The following ATP5F1A variants were observed in gnomAD, a reference collection of about 807,000 sequenced individuals.
ATP5F1A encodes the protein ATP synthase F1 subunit alpha.
ATP5F1A carries 24 observed loss-of-function variants against 57.4 expected under a neutral mutation model. The observed-to-expected ratio is 0.42, with a 90% CI of 0.30 to 0.59. ATP5F1A has a LOEUF of 0.59. Ranked by LOEUF, ATP5F1A falls within the 20% of genes least tolerant of loss-of-function variation. The pLI, the probability that ATP5F1A is intolerant of heterozygous loss-of-function variation, is 0.19. For missense variants in ATP5F1A, 494 were observed against 707.9 expected, an observed-to-expected ratio of 0.70 and a Z score of 3.43; for synonymous variants, 251 against 255.5, an observed-to-expected ratio of 0.98 and a Z score of 0.17.
In ATP5F1A at chr18:46,080,740, A is replaced by C. The variant is rs1909693039; in HGVS notation, c.*3542T>G. 1 of 152,106 alleles carries C rather than the reference A, an allele frequency of 6.6e-6. No homozygotes were observed. Among genetic ancestry groups the C allele is most frequent in the Non-Finnish European group, 1.5e-5 (1 of 68,030 alleles). 9.4% of individuals were successfully genotyped at this position (152,106 alleles called of 1,614,324 possible). On this transcript the variant is annotated 3_prime_UTR_variant, in exon 12 of 12. Transcript: ENST00000398752. ...GTGATCGTCCCAAAGTGCTGAGATTACAGGCGTAAGCCACTGCGCCTGGGC... is the reference window on the plus strand; with the variant it reads ...GTGATCGTCCCAAAGTGCTGAGATTCCAGGCGTAAGCCACTGCGCCTGGGC...
At chr18:46,102,937 C>A (rs1202341431), upstream of ATP5F1A, among the ~76,000 whole-genome samples, 1 of 152,094 alleles carries the variant, frequency 6.6e-6, no homozygotes, top group African/African-American at 2.4e-5. Flanking sequence ...AAGAGCAAGA[C>A]CCTGTCTCTA....
At position 46,080,365 on chromosome 18, in the gene ATP5F1A, GAC is replaced by G. The variant is rs987444751; in HGVS notation, c.*3915_*3916del. 1 of 152,172 alleles carries G rather than the reference GAC, an allele frequency of 6.6e-6. No individual in the cohort carries two copies. Among genetic ancestry groups the G allele is most frequent in the African/African-American group, 2.4e-5 (1 of 41,436 alleles). The allele number at this position is 152,172 out of a possible 1,614,324, so 9.4% of individuals were successfully genotyped here. A position where few individuals can be genotyped will look rare whatever the true frequency, so the allele number is the denominator to read the frequency against. ...CCCAGTGATAAGATAAATGCACACA[GAC>G]ACAATTTTATGACAGCCATTTTGTT... is the stretch of plus-strand genomic sequence containing the variant. On this transcript the variant is annotated 3_prime_UTR_variant, in exon 12 of 12. Coordinates refer to ENST00000398752, the MANE Select transcript of ATP5F1A (RefSeq NM_004046.6).
Position 46,093,567 on chromosome 18 carries a change from A to G in ATP5F1A, c.139+1486T>C, listed in dbSNP as rs575717388. 1.4e-4 allele frequency among the ~76,000 whole-genome samples: 22 copies of G among 151,984 alleles called. No individual in the cohort carries two copies. The South Asian group carries it at 2.3e-3, about 16-fold the overall frequency. ...AAACAAAACAAAACAAAATAAAAAA[A>G]CATCCCAGCACTTTGGGAGGCCAAG... On this transcript the variant is annotated intron_variant, in intron 2 of 11. Transcript: ENST00000398752.
rs555213015 is a variant in ATP5F1A, at chr18:46,098,190, A to C, written c.42T>G (p.Leu14=). The C allele has an allele frequency of 1.9e-6, 3 of 1,605,992 alleles. No homozygotes were observed. In the East Asian group the frequency reaches 6.7e-5, roughly 36 times the overall value. Residue 14 remains leucine (L), a synonymous_variant, in exon 1 of 12, where the codon CTT becomes CTG. Coordinates refer to ENST00000398752, the MANE Select transcript of ATP5F1A (RefSeq NM_004046.6). ...VRVAAAVVRA[L]PRRAGLVSRN... ...TGCTCACCAGTCCGGCCCGCCGAGG[A>C]AGGGCGCGGACCACGGCCGCAGCAA...
chr18:46,083,404 T>G lies in ATP5F1A; in HGVS notation c.*878A>C, dbSNP rs898261139. 6.6e-6 allele frequency: 1 copy of G among 152,240 alleles called. No homozygotes were observed. The highest frequency in any genetic ancestry group is 2.4e-5 in the African/African-American group (1 of 41,448). The allele number at this position is 152,240 out of a possible 1,614,324, so 9.4% of individuals were successfully genotyped here. On this transcript the variant is annotated 3_prime_UTR_variant, in exon 12 of 12. Coordinates refer to ENST00000398752, the MANE Select transcript of ATP5F1A (RefSeq NM_004046.6). Reference sequence around the variant, plus strand: ...GCAGTGAGCTGAGATCACACCACTGTACTCCAGCCTGGGTGAGAGAGATGG... The same window carrying G: ...GCAGTGAGCTGAGATCACACCACTGGACTCCAGCCTGGGTGAGAGAGATGG...
rs1338202948 is a variant in ATP5F1A at position 46,087,198 on chromosome 18, C to T, written c.986G>A (p.Arg329His). The change falls in exon 8 of 12, where the codon CGC (arginine) becomes CAC (histidine). Residue 329 changes from arginine (R) to histidine (H), a missense_variant. Physicochemically the swap from Arg to His is conservative, Grantham distance 29. Coordinates refer to ENST00000398752, the MANE Select transcript of ATP5F1A (RefSeq NM_004046.6). ...ATAGGCCTCACGACCAGGGGGTCGG[C>T]GGAGCAACAGAGACATCTGACGGTA... is the stretch of plus-strand genomic sequence containing the variant. ...VAYRQMSLLL[R>H]RPPGREAYPG... 3.1e-6 allele frequency: 5 copies of T among 1,614,110 alleles called. No homozygotes were observed. Among genetic ancestry groups the T allele is most frequent in the Admixed American group, 1.7e-5 (1 of 60,016 alleles).
upstream of ATP5F1A, among the ~76,000 whole-genome samples, chr18:46,099,137 G>A (rs933162060): frequency 1.6e-4 from 24 of 152,174 alleles, no homozygotes; most frequent in African/African-American, 5.8e-4. Context: ...AGGCCTAGAA[G>A]AGTCATTGCC....
chr18:46,096,975 A>AGT (rs1172153337), intron 1 of ATP5F1A, among the ~76,000 whole-genome samples: 3 of 118,908 alleles, frequency 2.5e-5, no homozygotes, highest in African/African-American at 9.8e-5. Context: ...TGAGCGAGAC[A>AGT]CCATCTCAAA....
chr18:46,100,043 G>C (rs1568257893), upstream of ATP5F1A, among the ~76,000 whole-genome samples: 1 of 151,962 alleles, frequency 6.6e-6, no homozygotes, highest in Non-Finnish European at 1.5e-5. Context: ...CTGAGGTCAG[G>C]AGTTCGAGAC....
intron 3 of ATP5F1A, among the ~76,000 whole-genome samples, chr18:46,090,777 C>T (rs928609422): frequency 2.6e-5 from 4 of 152,198 alleles, no homozygotes; most frequent in Non-Finnish European, 5.9e-5. Context: ...TCCTGTCACA[C>T]TAGCCACATT....
chr18:46,081,964 G>A lies in ATP5F1A; in HGVS notation c.*2318C>T, dbSNP rs1909777722. The stretch of plus-strand genomic sequence containing the variant: ...GAGAGATGGATAAGAATGAAGTTTC[G>A]GTACAGCAAATCCCCATCAACAAAA... On this transcript the variant is annotated 3_prime_UTR_variant, in exon 12 of 12. Coordinates refer to ENST00000398752, the MANE Select transcript of ATP5F1A (RefSeq NM_004046.6). 1 of 151,232 alleles carries A rather than the reference G, an allele frequency of 6.6e-6. No individual in the cohort carries two copies. Among genetic ancestry groups the A allele is most frequent in the South Asian group, 2.1e-4 (1 of 4,814 alleles). The allele number at this position is 151,232 out of a possible 1,614,324, so 9.4% of individuals were successfully genotyped here.
At chr18:46,102,222 A>AAAAATCTCATTTTAT, upstream of ATP5F1A, among the ~76,000 whole-genome samples, 1 of 152,176 alleles carries the variant, frequency 6.6e-6, no homozygotes, top group South Asian at 2.1e-4. Flanking sequence ...TGTAGTGATA[A>AAAAATCTCATTTTAT]AAGTGGACAA....
In ATP5F1A at chr18:46,089,902, C is replaced by T. The variant is rs768432669; in HGVS notation, c.404G>A (p.Gly135Glu). Residue 135 changes from glycine to glutamate, a missense_variant, in exon 4 of 12, where the codon GGA becomes GAA. Around this residue, in one of 6 missense-constraint regions of ATP5F1A, gnomAD observed 191 missense variants for 267.7 expected, o/e 0.71. Coordinates refer to ENST00000398752, the MANE Select transcript of ATP5F1A (RefSeq NM_004046.6). Reference protein sequence around the residue: ...IKEGDIVKRTGAIVDVPVGEE... With the variant: ...IKEGDIVKRTEAIVDVPVGEE... ...ACCAACTGGAACGTCCACAATGGCT[C>T]CTGTCCTCTTCACTATATCTCCTTC... is the stretch of plus-strand genomic sequence containing the variant. The T allele has an allele frequency of 1.2e-6, 2 of 1,614,050 alleles. No homozygotes were observed. Among genetic ancestry groups the T allele is most frequent in the Non-Finnish European group, 8.5e-7 (1 of 1,180,004 alleles).
upstream of ATP5F1A, among the ~76,000 whole-genome samples, chr18:46,100,108 C>A (rs2578188): frequency 0.25 from 37,141 of 151,546 alleles, 6,238 homozygotes; most frequent in African/African-American, 0.46. Flanking sequence ...AAAATTAGCC[C>A]GGCATGGGGG....
chr18:46,090,240 C>A (rs193150065), intron 3 of ATP5F1A, among the ~76,000 whole-genome samples: 1 of 152,250 alleles, frequency 6.6e-6, no homozygotes. Flanking sequence ...CTATCATATC[C>A]TCAAATAACT....
upstream of ATP5F1A, among the ~76,000 whole-genome samples, chr18:46,098,550 G>A (rs1007150958): frequency 2.1e-4 from 32 of 152,160 alleles, no homozygotes; most frequent in Admixed American, 4.6e-4. Context: ...GTGACCACGT[G>A]GGTAGCTGAA....
In ATP5F1A at chr18:46,089,889, G is replaced by A. The variant is rs371042141; in HGVS notation, c.417C>T (p.Asp139=). The A allele has an allele frequency of 9.2e-5, 149 of 1,613,748 alleles. No individual in the cohort carries two copies. Among genetic ancestry groups the A allele is most frequent in the Admixed American group, 1.5e-4 (9 of 59,910 alleles). Residue 139 remains aspartate, a synonymous_variant, in exon 4 of 12, where the codon GAC becomes GAT. Coordinates refer to ENST00000398752, the MANE Select transcript of ATP5F1A (RefSeq NM_004046.6). ...CCAACAGCTCCTCACCAACTGGAAC[G>A]TCCACAATGGCTCCTGTCCTCTTCA... The part of the protein sequence containing the change: ...DIVKRTGAIV[D]VPVGEELLGR...
In ATP5F1A at chr18:46,097,770, A is replaced by G. The variant is rs1415020409; in HGVS notation, c.60+402T>C. On this transcript the variant is annotated intron_variant, in intron 1 of 11. Coordinates refer to ENST00000398752, the MANE Select transcript of ATP5F1A (RefSeq NM_004046.6). ...GACTCCACTGACTAGCTTCAACAAGAGCTGACAGCAGTTTTCTGACCTTCA... is the reference window on the plus strand; with the variant it reads ...GACTCCACTGACTAGCTTCAACAAGGGCTGACAGCAGTTTTCTGACCTTCA... 4.0e-6 allele frequency: 4 copies of G among 1,002,590 alleles called. No homozygotes were observed. In the Admixed American group the frequency reaches 1.7e-4, roughly 43 times the overall value. The allele number at this position is 1,002,590 out of a possible 1,614,324, so 62.1% of individuals were successfully genotyped here. A position where few individuals can be genotyped will look rare whatever the true frequency, so the allele number is the denominator to read the frequency against.
intron 1 of ATP5F1A, among the ~76,000 whole-genome samples, chr18:46,095,518 T>C (rs1286070122): frequency 1.3e-5 from 2 of 152,004 alleles, no homozygotes; most frequent in Non-Finnish European, 2.9e-5. Flanking sequence ...GGTTTCACCA[T>C]GCTGGCCAGG....
Sources: allele counts gnomAD v4.1 joint callset (sites outside exome capture counted in the v4.1 genomes callset), GRCh38; gene constraint gnomAD v4.1.1; regional missense constraint gnomAD v4.1.1; transcripts MANE v1.5; gene names NCBI Gene and HGNC (gene_info 2026-07-23, HGNC 2026-07-21).